F5: variants seen among roughly 807,000 people sequenced by gnomAD.
The protein encoded by F5 is coagulation factor V, also known as activated protein c cofactor.
Under a neutral mutation model 216.4 loss-of-function variants are expected in F5, and 138 were observed. The ratio of observed to expected loss-of-function variants is 0.64; its 90% CI spans 0.56 to 0.73. The LOEUF (loss-of-function observed/expected upper bound fraction) is 0.73, where lower values mean the gene tolerates loss of function less well. Ranked by LOEUF, F5 falls within the 30% of genes least tolerant of loss-of-function variation. F5 has a pLI of 0.00. For missense variants in F5, 2,403 were observed against 2,674.0 expected (o/e 0.90, Z 2.24); for synonymous variants, 916 against 930.7 (o/e 0.98, Z 0.29).
chr1:169,515,575 T>C lies in F5; in HGVS notation c.6397A>G (p.Ile2133Val), dbSNP rs1352914436. The change falls in exon 24 of 25, where the codon ATA becomes GTA. Residue 2133 changes from isoleucine to valine, a missense_variant. Transcript: ENST00000367797. Reference sequence around the variant, plus strand: ...CAGCCCTGTGTTATAATTGCCGTTATCTTCTTGATCTTGAGTAGATCAATT... The same window carrying C: ...CAGCCCTGTGTTATAATTGCCGTTACCTTCTTGATCTTGAGTAGATCAATT... ...LEIDLLKIKK[I>V]TAIITQGCKS... 1 of 1,613,424 alleles carries C rather than the reference T, an allele frequency of 6.2e-7. No individual in the cohort carries two copies. Among genetic ancestry groups the C allele is most frequent in the Non-Finnish European group, 8.5e-7 (1 of 1,179,632 alleles).
intron 18 of F5, 138 bp from the exon 19 acceptor site, chr1:169,525,046 A>T: frequency 1.5e-6 from 1 of 676,944 alleles, no homozygotes; most frequent in Non-Finnish European, 2.6e-6. Flanking sequence ...TGACTTAAAT[A>T]TATCTGATTA....
chr1:169,584,183 G>A (rs1470894956), intron 1 of F5, among the ~76,000 whole-genome samples: 3 of 152,206 alleles, frequency 2.0e-5, no homozygotes, highest in Admixed American at 6.5e-5. Context: ...AATTTCAACA[G>A]AGAGATGTTT....
At position 169,541,633 on chromosome 1, in the gene F5, GC is replaced by G; in HGVS notation, c.3456del (p.Glu1152AspfsTer19). The G allele has an allele frequency of 6.2e-7, 1 of 1,614,164 alleles. No individual in the cohort carries two copies. The highest frequency in any genetic ancestry group is 8.5e-7 in the Non-Finnish European group (1 of 1,180,006). On this transcript the variant is annotated frameshift_variant, in exon 13 of 25. Coordinates refer to ENST00000367797, the MANE Select transcript of F5 (RefSeq NM_000130.5). LOFTEE classifies it high-confidence loss of function. Reference sequence around the variant, plus strand: ...CGGTCATACTCAAGCATTTCACTGAGCTCTGGAGAAGAGGATCTGTGACTGG... The same window carrying G: ...CGGTCATACTCAAGCATTTCACTGAGTCTGGAGAAGAGGATCTGTGACTGG... Reference protein sequence around the residue: ...SDPSHRSSSPELSEMLEYDRS... With the variant: ...SDPSHRSSSPXLSEMLEYDRS...
In F5 at chr1:169,542,586, G is replaced by A. The variant is rs1271507106; in HGVS notation, c.2504C>T (p.Pro835Leu). Reference sequence around the variant, plus strand: ...ATCTGGCTGTAGAGGATCCTCTATAGGGTCTTCAGAATATGGGCTGGAATG... The same window carrying A: ...ATCTGGCTGTAGAGGATCCTCTATAAGGTCTTCAGAATATGGGCTGGAATG... Reference protein sequence around the residue: ...AEHSSPYSEDPIEDPLQPDVT... With the variant: ...AEHSSPYSEDLIEDPLQPDVT... The change falls in exon 13 of 25, where the codon CCT (proline) becomes CTT (leucine). Residue 835 changes from proline to leucine, a missense_variant. Coordinates refer to ENST00000367797, the MANE Select transcript of F5 (RefSeq NM_000130.5). 2 of 1,613,924 alleles carry A rather than the reference G, an allele frequency of 1.2e-6. No homozygotes were observed. Among genetic ancestry groups the A allele is most frequent in the African/African-American group, 1.3e-5 (1 of 74,890 alleles).
rs1482575135 is a variant in F5, at chr1:169,523,337, C to G, written c.5908G>C (p.Glu1970Gln). The G allele has an allele frequency of 6.2e-7, 1 of 1,614,010 alleles. No homozygotes were observed. The highest frequency in any genetic ancestry group is 2.2e-5 in the East Asian group (1 of 44,872). Residue 1970 changes from glutamate to glutamine, a missense_variant, in exon 21 of 25, where the codon GAA (glutamate) becomes CAA (glutamine). Physicochemically the swap from Glu to Gln is conservative, Grantham distance 29. Transcript: ENST00000367797. ...KPWIQVDMQKEVIITGIQTQG... is the reference protein window; with the variant it reads ...KPWIQVDMQKQVIITGIQTQG... Reference sequence around the variant, plus strand: ...GTCTGGATCCCTGTGATTATGACTTCCTTTTGCATGTCCACCTGCAATATA... The same window carrying G: ...GTCTGGATCCCTGTGATTATGACTTGCTTTTGCATGTCCACCTGCAATATA...
At chr1:169,522,768 G>A (rs1283241400) in intron 21 of F5, among the ~76,000 whole-genome samples, 1 of 152,050 alleles carries the variant, frequency 6.6e-6, no homozygotes, top group Non-Finnish European at 1.5e-5. Flanking sequence ...TGCCTCAGAG[G>A]CTTACTAGCA....
chr1:169,555,009 T>A (rs1416918433), intron 7 of F5, among the ~76,000 whole-genome samples, 173 bp downstream of exon 7: 1 of 152,188 alleles, frequency 6.6e-6, no homozygotes, highest in African/African-American at 2.4e-5. Context: ...TTAGGCTGAA[T>A]TTCTTTGGTG....
chr1:169,541,617 T>C lies in F5; in HGVS notation c.3473A>G (p.Glu1158Gly). The change falls in exon 13 of 25, where the codon GAG (glutamate) becomes GGG (glycine). Residue 1158 changes from glutamate to glycine, a missense_variant. This residue lies in a region of F5 where 1,425 missense variants were observed against 1,554.8 expected (regional missense o/e 0.92). Transcript: ENST00000367797. ...GAAGGACTTGTGACTTCGGTCATAC[T>C]CAAGCATTTCACTGAGCTCTGGAGA... ...SSSPELSEMLEYDRSHKSFPT... is the reference protein window; with the variant it reads ...SSSPELSEMLGYDRSHKSFPT... 2 of 1,614,136 alleles carry C rather than the reference T, an allele frequency of 1.2e-6. No individual in the cohort carries two copies. Among genetic ancestry groups the C allele is most frequent in the African/African-American group, 1.3e-5 (1 of 75,034 alleles).
chr1:169,561,564 G>A (rs540823034), intron 3 of F5, among the ~76,000 whole-genome samples: 7 of 152,248 alleles, frequency 4.6e-5, no homozygotes, highest in African/African-American at 1.7e-4. Context: ...AATGGAGCAA[G>A]TGAGGTCAGG....
intron 2 of F5, among the ~76,000 whole-genome samples, chr1:169,579,954 T>C (rs903922102): frequency 6.6e-6 from 1 of 152,186 alleles, no homozygotes; most frequent in Admixed American, 6.5e-5. Flanking sequence ...CTGATCCCCA[T>C]CTAGTTGCAT....
chr1:169,586,152 T>A, intron 1 of F5, 77 bp downstream of exon 1: 1 of 1,540,698 alleles, frequency 6.5e-7, no homozygotes, highest in Non-Finnish European at 8.9e-7. Context: ...AGCCATGACA[T>A]TGCAAAGGGA....
intron 14 of F5, among the ~76,000 whole-genome samples, chr1:169,533,769 A>C (rs1032616012): frequency 3.3e-5 from 5 of 152,244 alleles, no homozygotes; most frequent in Admixed American, 2.6e-4. Flanking sequence ...TGTGAAGAAA[A>C]GGGAATGCTT....
At chr1:169,560,932 C>T (rs1660468053) in intron 3 of F5, among the ~76,000 whole-genome samples, 166 bp from the exon 4 acceptor site, 1 of 152,114 alleles carries the variant, frequency 6.6e-6, no homozygotes, top group Non-Finnish European at 1.5e-5. Flanking sequence ...TTTCTATGCT[C>T]ATGTACTTAC....
At chr1:169,552,396 G>A (rs755574644) in intron 8 of F5, among the ~76,000 whole-genome samples, 161 bp downstream of exon 8, 6 of 152,144 alleles carry the variant, frequency 3.9e-5, no homozygotes, top group Non-Finnish European at 7.3e-5. Context: ...GTATTACTGA[G>A]TAAGCTGTAA....
intron 3 of F5, among the ~76,000 whole-genome samples, chr1:169,568,890 T>A (rs1470950098): frequency 6.6e-6 from 1 of 152,114 alleles, no homozygotes; most frequent in Non-Finnish European, 1.5e-5. Context: ...TTACTTATTT[T>A]TGTGAACAAC....
intron 16 of F5, among the ~76,000 whole-genome samples, chr1:169,529,282 A>C (rs1659534530): frequency 6.6e-6 from 1 of 152,218 alleles, no homozygotes; most frequent in Non-Finnish European, 1.5e-5. Flanking sequence ...CAAGCTTATT[A>C]ACTTTAAATT....
intron 23 of F5, among the ~76,000 whole-genome samples, chr1:169,517,397 A>G (rs1659185509): frequency 6.6e-6 from 1 of 152,056 alleles, no homozygotes; most frequent in Non-Finnish European, 1.5e-5. Flanking sequence ...AATCTTTTCT[A>G]TTTACGCCAC....
At chr1:169,577,601 A>ATATATATATATG (rs1660891690) in intron 2 of F5, among the ~76,000 whole-genome samples, 5 of 97,144 alleles carry the variant, frequency 5.1e-5, no homozygotes, top group East Asian at 2.8e-4. Context: ...ATATATATAT[A>ATATATATATATG]TATGTATGTA....
intron 18 of F5, 65 bp from the exon 19 acceptor site, chr1:169,524,973 C>G (rs991771521): frequency 1.6e-6 from 2 of 1,252,452 alleles, no homozygotes; most frequent in Non-Finnish European, 2.3e-6. Flanking sequence ...AAGTAAAACT[C>G]CATGGTTAGG....
Sources: allele counts gnomAD v4.1 joint callset (sites outside exome capture counted in the v4.1 genomes callset), GRCh38; gene constraint gnomAD v4.1.1; regional missense constraint gnomAD v4.1.1; transcripts MANE v1.5; gene names NCBI Gene and HGNC (gene_info 2026-07-23, HGNC 2026-07-21).